ACTN1: variants seen among roughly 807,000 people sequenced by gnomAD.
ACTN1 encodes alpha-actinin-1.
Under a neutral mutation model 119.6 loss-of-function variants are expected in ACTN1, and 30 were observed. The ratio of observed to expected loss-of-function variants is 0.25; its 90% CI spans 0.19 to 0.34. The LOEUF (loss-of-function observed/expected upper bound fraction) is 0.34. ACTN1 is among the 10% of genes least tolerant of loss of function. ACTN1 has a pLI of 1.00. For missense variants in ACTN1, 764 were observed against 1,223.4 expected (o/e 0.62, Z 5.60); for synonymous variants, 429 against 472.6 (o/e 0.91, Z 1.20).
chr14:68,892,009 G>A, intron 10 of ACTN1, 44 bp downstream of exon 10: 2 of 1,603,996 alleles, frequency 1.2e-6, no homozygotes, highest in East Asian at 2.2e-5. Flanking sequence ...CTCAGAGGTG[G>A]AGGCAGTCCA....
intron 1 of ACTN1, among the ~76,000 whole-genome samples, chr14:68,952,991 G>A (rs1368086873): frequency 4.6e-5 from 7 of 151,982 alleles, no homozygotes; most frequent in Admixed American, 2.0e-4. Flanking sequence ...TGAGAGGGTC[G>A]GGGGGATGAT....
chr14:68,928,933 G>A (rs1184448478), intron 1 of ACTN1, among the ~76,000 whole-genome samples: 3 of 152,108 alleles, frequency 2.0e-5, no homozygotes, highest in Admixed American at 6.5e-5. Context: ...GGAGAGGGCT[G>A]GAACTGTGGT....
intron 1 of ACTN1, among the ~76,000 whole-genome samples, chr14:68,944,672 G>C (rs919951286): frequency 2.0e-5 from 3 of 152,168 alleles, no homozygotes; most frequent in Admixed American, 6.5e-5. Context: ...GGGCTGTAGG[G>C]GGGCAGTGTG....
chr14:68,946,696 T>C (rs2035958969), intron 1 of ACTN1, among the ~76,000 whole-genome samples: 1 of 152,150 alleles, frequency 6.6e-6, no homozygotes, highest in African/African-American at 2.4e-5. Context: ...AAGGCACACC[T>C]GGGGAAGCAT....
chr14:68,926,643 GCT>G (rs1212921044), intron 1 of ACTN1, among the ~76,000 whole-genome samples: 1 of 152,168 alleles, frequency 6.6e-6, no homozygotes, highest in African/African-American at 2.4e-5. Flanking sequence ...GAGCCATTCA[GCT>G]CTCTTCCCAC....
chr14:68,920,882 TG>T, intron 3 of ACTN1, 123 bp downstream of exon 3: 2 of 1,335,534 alleles, frequency 1.5e-6, no homozygotes, highest in Non-Finnish European at 2.1e-6. Context: ...ATGGAGGTGC[TG>T]GGGACCCACT....
chr14:68,946,536 G>A (rs532472581), intron 1 of ACTN1, among the ~76,000 whole-genome samples: 2 of 152,308 alleles, frequency 1.3e-5, no homozygotes, highest in South Asian at 4.1e-4. Flanking sequence ...AGGACTTCCA[G>A]GACTCCACCA....
chr14:68,923,202 CAG>C (rs2034742954), intron 2 of ACTN1, among the ~76,000 whole-genome samples: 1 of 152,196 alleles, frequency 6.6e-6, no homozygotes, highest in South Asian at 2.1e-4. Context: ...ACCTGAGACA[CAG>C]AGAGAAGATG....
At chr14:68,948,115 A>C (rs565141994) in intron 1 of ACTN1, among the ~76,000 whole-genome samples, 1 of 152,340 alleles carries the variant, frequency 6.6e-6, no homozygotes, top group South Asian at 2.1e-4. Context: ...TTGGATGGAC[A>C]GAAAGCACAC....
intron 1 of ACTN1, chr14:68,977,404 T>G: frequency 6.6e-6 from 1 of 151,900 alleles, no homozygotes; most frequent in Non-Finnish European, 1.5e-5. Context: ...AGAGGGGGAG[T>G]TTAAGCAACT....
intron 3 of ACTN1, among the ~76,000 whole-genome samples, chr14:68,915,484 T>C (rs1188902984): frequency 1.3e-5 from 2 of 152,190 alleles, no homozygotes; most frequent in African/African-American, 4.8e-5. Flanking sequence ...CTCTAGAATG[T>C]AAGCCCCTTG....
rs1346193760 is a variant in ACTN1, at chr14:68,893,684, T to C, written c.826A>G (p.Met276Val). Reference protein sequence around the residue: ...LAVNQENEQLMEDYEKLASDL... With the variant: ...LAVNQENEQLVEDYEKLASDL... ...CTGGCCAGCTTCTCGTAGTCTTCCA[T>C]AAGCTGCTCGTTCTCCTGGTTGACG... The change falls in exon 9 of 22, where the codon ATG (methionine) becomes GTG (valine). Residue 276 changes from methionine (M) to valine (V), a missense_variant. Physicochemically the swap from Met to Val is conservative, Grantham distance 21. Around this residue, in one of 4 missense-constraint regions of ACTN1, gnomAD observed 544 missense variants for 912.0 expected, o/e 0.60. Coordinates refer to ENST00000394419, the MANE Select transcript of ACTN1 (RefSeq NM_001130004.2). 2 of 1,614,068 alleles carry C rather than the reference T, an allele frequency of 1.2e-6. No individual in the cohort carries two copies. The highest frequency in any genetic ancestry group is 2.2e-5 in the East Asian group (1 of 44,900).
At chr14:68,957,441 T>C (rs2036385726) in intron 1 of ACTN1, among the ~76,000 whole-genome samples, 1 of 152,228 alleles carries the variant, frequency 6.6e-6, no homozygotes, top group Non-Finnish European at 1.5e-5. Context: ...CCATCAGGTG[T>C]GCCACTGCTG....
chr14:68,909,204 G>A lies in ACTN1; in HGVS notation c.594+114C>T, dbSNP rs898676743. On this transcript the variant is annotated intron_variant, in intron 6 of 21. Transcript: ENST00000394419. This position sits in a 1 kb window ranked among gnomAD's most constrained non-coding sequence, Gnocchi z 4.1. ...GGGGCTCTGTCTGGCTATTCTAAGA[G>A]GCCAACACTGCTCAGGCTGGACCAT... The A allele has an allele frequency of 5.7e-6, 6 of 1,059,870 alleles. No individual in the cohort carries two copies. The African/African-American group carries it at 9.4e-5, about 17-fold the overall frequency. 65.7% of individuals were successfully genotyped at this position (1,059,870 alleles called of 1,614,324 possible).
intron 1 of ACTN1, among the ~76,000 whole-genome samples, chr14:68,944,063 C>A (rs776430026): frequency 1.3e-5 from 2 of 152,164 alleles, no homozygotes; most frequent in Non-Finnish European, 2.9e-5. Context: ...GGGAGGAGAG[C>A]CACAGGGCAG....
Position 68,888,963 on chromosome 14 carries a change from T to C in ACTN1, c.1234+1176A>G, listed in dbSNP as rs149231838. On this transcript the variant is annotated intron_variant, in intron 11 of 21. Transcript: ENST00000394419. ...AAGCCAAGCCACTCCCAAATGGCCT[T>C]GGGGTATGGTTCTTCCTTCTCATCT... Among the ~76,000 whole-genome samples, 1,281 of 152,172 alleles carry C rather than the reference T, an allele frequency of 8.4e-3. 11 individuals carry two copies. Among genetic ancestry groups the C allele is most frequent in the Middle Eastern group, 0.024 (7 of 294 alleles).
rs2031652817 is a variant in ACTN1, at chr14:68,882,612, G to T, written c.1819-20C>A. 6.2e-7 allele frequency: 1 copy of T among 1,613,572 alleles called. No individual in the cohort carries two copies. Among genetic ancestry groups the T allele is most frequent in the Admixed American group, 1.7e-5 (1 of 60,008 alleles). ...CCGCACCTGGGGCAGGAACAACAAGGCGACTTTCAGGATGGGTCAGCCATC... is the reference window on the plus strand; with the variant it reads ...CCGCACCTGGGGCAGGAACAACAAGTCGACTTTCAGGATGGGTCAGCCATC... On this transcript the variant is annotated intron_variant, in intron 15 of 21. Transcript: ENST00000394419. This position sits in a 1 kb window ranked among gnomAD's most constrained non-coding sequence, Gnocchi z 4.5.
chr14:68,932,141 A>G (rs531008507), intron 1 of ACTN1, among the ~76,000 whole-genome samples: 2 of 152,000 alleles, frequency 1.3e-5, no homozygotes, highest in African/African-American at 4.8e-5. Flanking sequence ...GGTGTTGCCA[A>G]AGGAGATTAA....
At chr14:68,950,072 G>T (rs2036080969) in intron 1 of ACTN1, among the ~76,000 whole-genome samples, 1 of 152,052 alleles carries the variant, frequency 6.6e-6, no homozygotes, top group Admixed American at 6.6e-5. Flanking sequence ...GAGGTGGGCG[G>T]ATCACAAGGT....
Sources: allele counts gnomAD v4.1 joint callset (sites outside exome capture counted in the v4.1 genomes callset), GRCh38; gene constraint gnomAD v4.1.1; regional missense constraint gnomAD v4.1.1; non-coding constraint Gnocchi (gnomAD v3.1); transcripts MANE v1.5; gene names NCBI Gene and HGNC (gene_info 2026-07-23, HGNC 2026-07-21).